The following SMCO4 variants were observed in gnomAD, a reference collection of about 807,000 sequenced individuals.
The protein encoded by SMCO4 is single-pass membrane protein with coiled-coil domains 4, also known as single-pass membrane and coiled-coil domain-containing protein 4.
In SMCO4, 4 loss-of-function variants were observed where a neutral mutation model predicts 3.6. The ratio of observed to expected loss-of-function variants is 1.11; its 90% confidence interval spans 0.54 to 2.53. SMCO4 has a LOEUF of 2.53. SMCO4 is among the 30% of genes most tolerant of loss of function. The probability of loss-of-function intolerance (pLI) is 0.02; values close to 1 mark genes in which losing one functional copy is unlikely to be tolerated. For synonymous variants in SMCO4, 36 were observed against 35.3 expected (o/e 1.02, Z -0.07); for missense variants, 70 against 80.8 (o/e 0.87, Z 0.51).
At position 93,479,267 on chromosome 11, in the gene SMCO4, C is replaced by T. The variant is rs1363436155; in HGVS notation, c.-78G>A. ...ACACTCCTCTTGCCAAGGCTGGAAC[C>T]TCCTGTAGAGAGAACAACTGTGATA... On this transcript the variant is annotated splice_region_variant and 5_prime_UTR_variant, in exon 3 of 3. Coordinates refer to ENST00000298966, the MANE Select transcript of SMCO4 (RefSeq NM_020179.3). 1 of 1,549,564 alleles carries T rather than the reference C, an allele frequency of 6.5e-7. No individual in the cohort carries two copies. Among genetic ancestry groups the T allele is most frequent in the African/African-American group, 1.4e-5 (1 of 73,110 alleles).
At chr11:93,493,157 A>C (rs1338970179) in intron 2 of SMCO4, among the ~76,000 whole-genome samples, 1 of 152,214 alleles carries the variant, frequency 6.6e-6, no homozygotes, top group Non-Finnish European at 1.5e-5. Flanking sequence ...AATGGCACAG[A>C]ACAAGAAGGC....
At chr11:93,508,845 A>G (rs72962794) in intron 1 of SMCO4, among the ~76,000 whole-genome samples, 11,641 of 152,282 alleles carry the variant, frequency 0.076, 624 homozygotes, top group Middle Eastern at 0.12. Context: ...TGGAGGTGGG[A>G]AAAGAAGGAG....
At chr11:93,532,731 C>G (rs1349167756) in intron 1 of SMCO4, among the ~76,000 whole-genome samples, 1 of 152,172 alleles carries the variant, frequency 6.6e-6, no homozygotes, top group African/African-American at 2.4e-5. Flanking sequence ...GGCCAGCAAC[C>G]ACCAGAAGCT....
At chr11:93,499,827 G>C (rs982131783) in intron 1 of SMCO4, among the ~76,000 whole-genome samples, 1 of 152,194 alleles carries the variant, frequency 6.6e-6, no homozygotes, top group Middle Eastern at 3.2e-3. Context: ...TAAAAGATGA[G>C]AAAGTGACCC....
At chr11:93,547,445 C>T (rs1949322667), upstream of SMCO4, among the ~76,000 whole-genome samples, 2 of 152,200 alleles carry the variant, frequency 1.3e-5, no homozygotes, top group African/African-American at 4.8e-5. Flanking sequence ...CTCAGAGAAG[C>T]TTTTCTTAAC....
At chr11:93,523,127 C>T (rs976806939) in intron 1 of SMCO4, among the ~76,000 whole-genome samples, 1 of 152,154 alleles carries the variant, frequency 6.6e-6, no homozygotes, top group Non-Finnish European at 1.5e-5. Context: ...AAAGGTCTGT[C>T]ACTAGGTGAC....
chr11:93,485,751 A>G (rs1948641267), intron 2 of SMCO4, among the ~76,000 whole-genome samples: 1 of 152,238 alleles, frequency 6.6e-6, no homozygotes, highest in Non-Finnish European at 1.5e-5. Context: ...AGTTCATCTT[A>G]GGCAACTAAC....
At chr11:93,479,346 A>T in intron 2 of SMCO4, 77 bp from the exon 3 acceptor site, 1 of 1,295,222 alleles carries the variant, frequency 7.7e-7, no homozygotes, top group Non-Finnish European at 1.0e-6. Flanking sequence ...GCAAATACAC[A>T]ACTAGGAAAA....
rs542707238 is a variant in SMCO4, at chr11:93,543,350, C to A, written c.-228G>T. 1.3e-5 allele frequency: 2 copies of A among 152,122 alleles called. No individual in the cohort carries two copies. Among genetic ancestry groups the A allele is most frequent in the South Asian group, 1.8e-4 (1 of 5,636 alleles). 9.4% of individuals were successfully genotyped at this position (152,122 alleles called of 1,614,324 possible). A position where few individuals can be genotyped will look rare whatever the true frequency, so the allele number is the denominator to read the frequency against. On this transcript the variant is annotated 5_prime_UTR_variant, in exon 1 of 3. Coordinates refer to ENST00000298966, the MANE Select transcript of SMCO4 (RefSeq NM_020179.3). ...GGCAGTGGCCGCCGCCGCTTGCGCT[C>A]CCCGCCTCGCCTCTCCTCTCGGCGC... is the stretch of plus-strand genomic sequence containing the variant.
At chr11:93,486,885 A>G (rs1049479369) in intron 2 of SMCO4, among the ~76,000 whole-genome samples, 2 of 152,222 alleles carry the variant, frequency 1.3e-5, no homozygotes, top group African/African-American at 4.8e-5. Context: ...TCCTGTCTTC[A>G]GAAAAAAACA....
chr11:93,521,857 C>A (rs912237944), intron 1 of SMCO4, among the ~76,000 whole-genome samples: 1 of 152,146 alleles, frequency 6.6e-6, no homozygotes, highest in Non-Finnish European at 1.5e-5. Context: ...CAATACCAAT[C>A]GAAGCTATAA....
chr11:93,541,946 A>G (rs1440363771), intron 1 of SMCO4, among the ~76,000 whole-genome samples: 1 of 152,162 alleles, frequency 6.6e-6, no homozygotes, highest in Admixed American at 6.5e-5. Flanking sequence ...CAGATAAGAA[A>G]ACAGAAGTCC....
chr11:93,506,854 C>T (rs769045143), intron 1 of SMCO4, among the ~76,000 whole-genome samples: 2 of 152,278 alleles, frequency 1.3e-5, no homozygotes, highest in African/African-American at 2.4e-5. Context: ...CGCACTCATT[C>T]GGCACTTCCG....
At chr11:93,510,846 C>A (rs1948950195) in intron 1 of SMCO4, among the ~76,000 whole-genome samples, 1 of 152,172 alleles carries the variant, frequency 6.6e-6, no homozygotes, top group Non-Finnish European at 1.5e-5. Context: ...TGCCTGTAAT[C>A]CAAGCACTTT....
intron 2 of SMCO4, among the ~76,000 whole-genome samples, chr11:93,491,663 A>T (rs546957429): frequency 6.6e-6 from 1 of 152,314 alleles, no homozygotes; most frequent in Non-Finnish European, 1.5e-5. Context: ...TCCTTTAACA[A>T]ATATCAGTAT....
In SMCO4 at chr11:93,534,051, C is replaced by T. The variant is rs932712443; in HGVS notation, c.-154+9225G>A. Reference sequence around the variant, plus strand: ...ACTAAAAATACAAAAATTAGCCAGGCGTGGTGGCGCACACCTGTAATTCCA... The same window carrying T: ...ACTAAAAATACAAAAATTAGCCAGGTGTGGTGGCGCACACCTGTAATTCCA... On this transcript the variant is annotated intron_variant, in intron 1 of 2. Transcript: ENST00000298966. 9.6e-4 allele frequency among the ~76,000 whole-genome samples: 146 copies of T among 151,662 alleles called. 1 individual carries two copies. The highest frequency in any genetic ancestry group is 3.3e-3 in the African/African-American group (137 of 41,350).
intron 1 of SMCO4, among the ~76,000 whole-genome samples, chr11:93,527,739 G>T (rs1310668938): frequency 6.6e-6 from 1 of 152,134 alleles, no homozygotes; most frequent in Non-Finnish European, 1.5e-5. Flanking sequence ...GGGATTATAG[G>T]CATGAGACAC....
intron 1 of SMCO4, among the ~76,000 whole-genome samples, chr11:93,534,710 T>C (rs1949202643): frequency 2.6e-5 from 4 of 152,116 alleles, no homozygotes; most frequent in Admixed American, 1.3e-4. Flanking sequence ...CTTTGAGCAA[T>C]AGGTAAAGGA....
chr11:93,538,693 G>A (rs1369690994), intron 1 of SMCO4, among the ~76,000 whole-genome samples: 1 of 152,130 alleles, frequency 6.6e-6, no homozygotes, highest in Non-Finnish European at 1.5e-5. Flanking sequence ...CATCCCTGGG[G>A]CATCAGACCT....
Sources: allele counts gnomAD v4.1 joint callset (sites outside exome capture counted in the v4.1 genomes callset), GRCh38; gene constraint gnomAD v4.1.1; transcripts MANE v1.5; gene names NCBI Gene and HGNC (gene_info 2026-07-23, HGNC 2026-07-21).